The following CCDC141 variants were observed in gnomAD, a reference collection of about 807,000 sequenced individuals.
CCDC141 encodes coiled-coil domain containing 141.
In CCDC141, 168 loss-of-function variants were observed where a neutral mutation model predicts 181.0. The observed-to-expected ratio is 0.93, with a 90% CI of 0.82 to 1.05. CCDC141 has a LOEUF of 1.05. Ranked by LOEUF, CCDC141 falls within the 50% of genes least tolerant of loss-of-function variation. The pLI is 0.00. For synonymous variants in CCDC141, 666 were observed against 642.3 expected, an observed-to-expected ratio of 1.04 and a Z score of -0.56; for missense variants, 1,902 against 1,788.5, an observed-to-expected ratio of 1.06 and a Z score of -1.14.
At chr2:178,849,928 A>G in intron 21 of CCDC141, 121 bp downstream of exon 21, 2 of 597,302 alleles carry the variant, frequency 3.3e-6, no homozygotes, top group Non-Finnish European at 5.9e-6. Flanking sequence ...GCTGTAAAAC[A>G]AATGTGCACA....
At chr2:178,866,926 A>C (rs1420291973) in intron 16 of CCDC141, among the ~76,000 whole-genome samples, 1 of 152,154 alleles carries the variant, frequency 6.6e-6, no homozygotes, top group Non-Finnish European at 1.5e-5. Context: ...GAGTTTTGCC[A>C]TGTTGGCCAG....
At chr2:178,817,539 G>C in the CCDC141 span, 1 of 470,876 alleles carries the variant, frequency 2.1e-6, no homozygotes, top group South Asian at 1.5e-5. Flanking sequence ...AGTATCTCCA[G>C]GTACCACTTA....
chr2:178,906,297 G>C (rs1363978501), intron 7 of CCDC141, among the ~76,000 whole-genome samples: 1 of 152,138 alleles, frequency 6.6e-6, no homozygotes, highest in Admixed American at 6.6e-5. Context: ...TTAGCCACTG[G>C]GCCATTAAGG....
chr2:178,987,165 A>G lies in CCDC141; in HGVS notation c.226-8490T>C, dbSNP rs903954157. On this transcript the variant is annotated intron_variant, in intron 2 of 23. Transcript: ENST00000443758. Reference sequence around the variant, plus strand: ...ACACAGCCCTCAGAAATAATGCCGCATATCTACAACTATCTGATCTTTGAC... The same window carrying G: ...ACACAGCCCTCAGAAATAATGCCGCGTATCTACAACTATCTGATCTTTGAC... Among the ~76,000 whole-genome samples the G allele has an allele frequency of 1.1e-4, 14 of 125,394 alleles. 2 individuals are homozygous for G. Among genetic ancestry groups the G allele is most frequent in the African/African-American group, 2.9e-4 (10 of 34,008 alleles). 82.3% of individuals were successfully genotyped at this position (125,394 alleles called of 152,430 possible).
intron 8 of CCDC141, among the ~76,000 whole-genome samples, chr2:178,894,236 T>C (rs13426573): frequency 1.3e-5 from 2 of 151,946 alleles, no homozygotes; most frequent in Non-Finnish European, 2.9e-5. Context: ...GAAGTACATT[T>C]TGATGCTGGA....
rs777979871 is a variant in CCDC141, at chr2:178,865,845, C to T, written c.2646G>A (p.Trp882Ter). Reference protein sequence around the residue: ...LELLEEDSMKWRAKAEEYGRT... With the variant: ...LELLEEDSMK Reference sequence around the variant, plus strand: ...GTCCATACTCCTCAGCTTTGGCACGCCACTTCATGCTGTCCTCCTCAAGGA... The same window carrying T: ...GTCCATACTCCTCAGCTTTGGCACGTCACTTCATGCTGTCCTCCTCAAGGA... Residue 882 changes from tryptophan to a stop codon, truncating the protein, a stop_gained, in exon 17 of 24, where the codon TGG (tryptophan) becomes TGA (stop). Transcript: ENST00000443758. LOFTEE classifies it high-confidence loss of function. The T allele has an allele frequency of 1.2e-6, 2 of 1,607,006 alleles. No individual in the cohort carries two copies. Among genetic ancestry groups the T allele is most frequent in the African/African-American group, 2.7e-5 (2 of 74,604 alleles).
chr2:179,023,069 C>A (rs1183826416), intron 2 of CCDC141, among the ~76,000 whole-genome samples: 3 of 152,058 alleles, frequency 2.0e-5, no homozygotes, highest in Non-Finnish European at 4.4e-5. Flanking sequence ...GGAGTGGGAG[C>A]CCCAGCTCCA....
At chr2:178,835,736 A>G (rs1406992846) in intron 23 of CCDC141, 1 of 152,374 alleles carries the variant, frequency 6.6e-6, no homozygotes, top group Non-Finnish European at 1.5e-5. Flanking sequence ...GGACAAAAAC[A>G]AGAAACACAT....
intron 5 of CCDC141, among the ~76,000 whole-genome samples, chr2:178,960,862 T>C (rs1690366427): frequency 6.6e-6 from 1 of 152,218 alleles, no homozygotes; most frequent in Non-Finnish European, 1.5e-5. Flanking sequence ...TCTAGCACAA[T>C]TCAGCAGCAT....
In CCDC141 at chr2:178,836,994, G is replaced by A. The variant is rs759641759; in HGVS notation, c.4225C>T (p.Pro1409Ser). The A allele has an allele frequency of 2.5e-5, 41 of 1,613,844 alleles. No homozygotes were observed. Among genetic ancestry groups the A allele is most frequent in the East Asian group, 4.5e-5 (2 of 44,870 alleles). Reference protein sequence around the residue: ...SSVVSLADQAPNFSRLLSNVT... With the variant: ...SSVVSLADQASNFSRLLSNVT... ...TTAGACAGGAGCCTGGAGAAATTAG[G>A]TGCCTGGTCAGCTAGGCTGACCACG... Residue 1409 changes from proline to serine, a missense_variant, in exon 23 of 24, where the codon CCT becomes TCT. Pro to Ser is a moderately conservative substitution (Grantham distance 74). Transcript: ENST00000443758.
At chr2:178,997,299 G>C (rs901143463) in intron 2 of CCDC141, among the ~76,000 whole-genome samples, 4 of 152,112 alleles carry the variant, frequency 2.6e-5, no homozygotes, top group Non-Finnish European at 2.9e-5. Context: ...TCTGGTGATT[G>C]CTCATATGCT....
chr2:178,901,126 T>C (rs1425613783), intron 8 of CCDC141, among the ~76,000 whole-genome samples: 1 of 152,064 alleles, frequency 6.6e-6, no homozygotes, highest in African/African-American at 2.4e-5. Context: ...TCCAGAGATT[T>C]GGGCAGAGTT....
intron 8 of CCDC141, among the ~76,000 whole-genome samples, chr2:178,901,467 A>C (rs570617625): frequency 1.7e-4 from 26 of 152,274 alleles, no homozygotes; most frequent in Admixed American, 7.2e-4. Flanking sequence ...CAAATCAATA[A>C]ATGTAATCCA....
chr2:178,920,158 C>A (rs77457466), intron 6 of CCDC141, among the ~76,000 whole-genome samples: 1 of 152,088 alleles, frequency 6.6e-6, no homozygotes, highest in Non-Finnish European at 1.5e-5. Context: ...ATATAAGCTG[C>A]GGTTGAGTGA....
chr2:179,020,533 A>G (rs936297255), intron 2 of CCDC141, among the ~76,000 whole-genome samples: 2 of 152,172 alleles, frequency 1.3e-5, no homozygotes, highest in Admixed American at 6.5e-5. Flanking sequence ...TGTGCCAGGA[A>G]GCCACAGGAT....
intron 16 of CCDC141, 92 bp from the exon 17 acceptor site, chr2:178,866,008 A>G: frequency 9.7e-7 from 1 of 1,031,050 alleles, no homozygotes; most frequent in Non-Finnish European, 1.3e-6. Context: ...CTCATAAATG[A>G]CACTTTTTAA....
At chr2:178,940,212 T>C (rs995702735) in intron 6 of CCDC141, among the ~76,000 whole-genome samples, 1 of 146,152 alleles carries the variant, frequency 6.8e-6, no homozygotes, top group Non-Finnish European at 1.6e-5. Context: ...AGATCAGAGA[T>C]TAGGAAAGAA....
chr2:178,827,256 T>C (rs1018242456), downstream of CCDC141, among the ~76,000 whole-genome samples: 1 of 152,162 alleles, frequency 6.6e-6, no homozygotes, highest in Non-Finnish European at 1.5e-5. Flanking sequence ...ATGGATGATA[T>C]ATGGCCAAGA....
intron 23 of CCDC141, 64 bp downstream of exon 23, chr2:178,836,829 CA>C: frequency 6.5e-7 from 1 of 1,538,170 alleles, no homozygotes; most frequent in Non-Finnish European, 8.7e-7. Flanking sequence ...TTAGTGCTCA[CA>C]GAATGATTTT....
Sources: allele counts gnomAD v4.1 joint callset (sites outside exome capture counted in the v4.1 genomes callset), GRCh38; gene constraint gnomAD v4.1.1; transcripts MANE v1.5; gene names NCBI Gene and HGNC (gene_info 2026-07-23, HGNC 2026-07-21).